NRG3: variants seen among roughly 807,000 people sequenced by gnomAD.
NRG3 encodes the protein neuregulin 3, also known as pro-neuregulin-3, membrane-bound isoform.
A neutral mutation model predicts 66.9 loss-of-function variants in NRG3; 31 were observed. The observed-to-expected ratio is 0.46, with a 90% confidence interval of 0.35 to 0.63. The LOEUF (loss-of-function observed/expected upper bound fraction) is 0.63. Ranked by LOEUF, NRG3 falls within the 20% of genes least tolerant of loss-of-function variation. The pLI is 0.00. For missense variants in NRG3, 910 were observed against 878.9 expected (o/e 1.04, Z -0.45); for synonymous variants, 393 against 359.4 (o/e 1.09, Z -1.06).
chr10:82,750,432 A>G (rs2134927948), intron 3 of NRG3, among the ~76,000 whole-genome samples: 1 of 152,302 alleles, frequency 6.6e-6, no homozygotes, highest in Middle Eastern at 3.4e-3. Context: ...AAGAACACAA[A>G]CAGAGAGAAG....
intron 1 of NRG3, among the ~76,000 whole-genome samples, chr10:82,145,114 C>G (rs2070148637): frequency 6.6e-6 from 1 of 152,172 alleles, no homozygotes; most frequent in Non-Finnish European, 1.5e-5. Context: ...GTGGTGGGCA[C>G]TGGTGTCATA....
chr10:82,426,199 A>G (rs1359633525), intron 2 of NRG3, among the ~76,000 whole-genome samples: 1 of 152,106 alleles, frequency 6.6e-6, no homozygotes, highest in African/African-American at 2.4e-5. Flanking sequence ...TTTTTCTCCC[A>G]TCTTCACTCT....
intron 2 of NRG3, among the ~76,000 whole-genome samples, chr10:82,377,619 A>C (rs2085338135): frequency 1.3e-5 from 2 of 152,290 alleles, no homozygotes; most frequent in South Asian, 2.1e-4. Context: ...TATTGAGATC[A>C]ATGGCAGGAA....
rs559876995 is a variant in NRG3 at position 82,205,294 on chromosome 10, A to G, written c.824-153445A>G. On this transcript the variant is annotated intron_variant, in intron 1 of 8. Coordinates refer to ENST00000372141, the MANE Select transcript of NRG3 (RefSeq NM_001010848.4). ...TAGACCAGTACTACAGATTTCAGTT[A>G]TGTGGTTCTTCTGGGTTCCATCTGT... Among the ~76,000 whole-genome samples the G allele has an allele frequency of 7.2e-5, 11 of 152,276 alleles. No homozygotes were observed. In the South Asian group the frequency reaches 2.1e-3, roughly 29 times the overall value.
intron 1 of NRG3, among the ~76,000 whole-genome samples, chr10:81,963,234 C>G (rs1336635090): frequency 7.0e-6 from 1 of 143,668 alleles, no homozygotes; most frequent in African/African-American, 2.6e-5. Flanking sequence ...CCCGGGTTCA[C>G]GCCATTCTCC....
chr10:82,759,031 G>A (rs901110916), intron 3 of NRG3, among the ~76,000 whole-genome samples: 5 of 152,066 alleles, frequency 3.3e-5, no homozygotes, highest in African/African-American at 1.2e-4. Context: ...CCCCAATGGG[G>A]CAGTGTTGGG....
chr10:81,981,865 G>A (rs1234480949), intron 1 of NRG3, among the ~76,000 whole-genome samples: 1 of 152,132 alleles, frequency 6.6e-6, no homozygotes. Context: ...AGTCCAAGCC[G>A]ACAGTGTTTT....
chr10:82,811,379 G>A (rs2061487487), intron 3 of NRG3, among the ~76,000 whole-genome samples: 1 of 152,202 alleles, frequency 6.6e-6, no homozygotes, highest in Admixed American at 6.5e-5. Context: ...TCAATGATGT[G>A]CGTTCCCTTT....
At chr10:82,402,072 T>A (rs2087143386) in intron 2 of NRG3, among the ~76,000 whole-genome samples, 1 of 152,144 alleles carries the variant, frequency 6.6e-6, no homozygotes, top group African/African-American at 2.4e-5. Flanking sequence ...ATTTTATTTA[T>A]GTTGACATTT....
chr10:82,901,443 G>A (rs1259258813), intron 4 of NRG3, among the ~76,000 whole-genome samples: 5 of 151,402 alleles, frequency 3.3e-5, no homozygotes, highest in Admixed American at 6.6e-5. Context: ...CAAAAGGATG[G>A]AAGCCAAAAA....
At chr10:81,913,252 A>G (rs1845347389) in intron 1 of NRG3, among the ~76,000 whole-genome samples, 1 of 152,070 alleles carries the variant, frequency 6.6e-6, no homozygotes, top group Non-Finnish European at 1.5e-5. Context: ...GAGCAGTGAA[A>G]CTTGTACTTC....
At chr10:82,808,981 G>T (rs1387550590) in intron 3 of NRG3, among the ~76,000 whole-genome samples, 1 of 152,172 alleles carries the variant, frequency 6.6e-6, no homozygotes, top group Admixed American at 6.5e-5. Flanking sequence ...GCAGATCAAT[G>T]GGTTTAGTAC....
At chr10:82,015,234 A>C (rs2061734126) in intron 1 of NRG3, among the ~76,000 whole-genome samples, 1 of 152,182 alleles carries the variant, frequency 6.6e-6, no homozygotes, top group Admixed American at 6.6e-5. Context: ...TAATTGATTA[A>C]TGTATGAGCA....
intron 2 of NRG3, 48 bp downstream of exon 2, chr10:82,358,916 G>C (rs779158215): frequency 6.2e-7 from 1 of 1,612,466 alleles, no homozygotes; most frequent in African/African-American, 1.3e-5. Context: ...GTTGCAAGGC[G>C]TGGGGGTGGA....
intron 2 of NRG3, among the ~76,000 whole-genome samples, chr10:82,660,231 A>C (rs1208229745): frequency 7.0e-6 from 1 of 142,352 alleles, no homozygotes; most frequent in Non-Finnish European, 1.5e-5. Flanking sequence ...AAAAAAAAAA[A>C]AAAACTGGAA....
At chr10:82,954,223 G>A (rs1304583306) in intron 5 of NRG3, among the ~76,000 whole-genome samples, 2 of 151,884 alleles carry the variant, frequency 1.3e-5, no homozygotes, top group Non-Finnish European at 1.5e-5. Flanking sequence ...TTACAATAAA[G>A]AAGCAGTTAA....
chr10:82,022,854 G>T (rs2062124108), intron 1 of NRG3, among the ~76,000 whole-genome samples: 1 of 151,498 alleles, frequency 6.6e-6, no homozygotes, highest in Non-Finnish European at 1.5e-5. Context: ...AGGTTGAAAT[G>T]CTGAGAACTT....
At chr10:82,608,044 T>G (rs751936508) in intron 2 of NRG3, among the ~76,000 whole-genome samples, 4 of 152,190 alleles carry the variant, frequency 2.6e-5, no homozygotes, top group Non-Finnish European at 5.9e-5. Context: ...TCTTCCCTTC[T>G]TTTTATAGAT....
chr10:81,936,733 G>A (rs1020887047), intron 1 of NRG3, among the ~76,000 whole-genome samples: 1 of 152,078 alleles, frequency 6.6e-6, no homozygotes, highest in Non-Finnish European at 1.5e-5. Context: ...TTGCTGTCAT[G>A]GTCCAAAATG....
Sources: gnomAD v4.1 joint callset for allele counts (sites outside exome capture counted in the v4.1 genomes callset) on GRCh38, gnomAD v4.1.1 for gene constraint, MANE v1.5 for transcripts, NCBI Gene and HGNC (gene_info 2026-07-23, HGNC 2026-07-21) for gene names.